ACOXL: variants seen among roughly 807,000 people sequenced by gnomAD.
ACOXL encodes the protein acyl-CoA oxidase like.
Under a neutral mutation model 71.9 loss-of-function variants are expected in ACOXL, and 70 were observed. The ratio of observed to expected loss-of-function variants is 0.97; its 90% CI spans 0.80 to 1.19. The LOEUF (loss-of-function observed/expected upper bound fraction) is 1.19, where lower values mean the gene tolerates loss of function less well. Among genes scored for constraint, ACOXL ranks in the 50% most tolerant of loss-of-function variants. The probability of loss-of-function intolerance (pLI) is 0.00; values close to 1 mark genes in which losing one functional copy is unlikely to be tolerated. For synonymous variants in ACOXL, 253 were observed against 281.6 expected (o/e 0.90, Z 1.02); for missense variants, 703 against 736.3 (o/e 0.95, Z 0.52).
chr2:110,745,961 T>C (rs1678146399), intron 1 of ACOXL, among the ~76,000 whole-genome samples: 1 of 152,186 alleles, frequency 6.6e-6, no homozygotes, highest in African/African-American at 2.4e-5. Flanking sequence ...TCACCTCCTG[T>C]TAGTGTGTAT....
At chr2:110,803,919 G>A (rs1454996030) in intron 8 of ACOXL, among the ~76,000 whole-genome samples, 1 of 151,318 alleles carries the variant, frequency 6.6e-6, no homozygotes, top group Non-Finnish European at 1.5e-5. Flanking sequence ...GATGCTCAAT[G>A]TCGTTGCCAT....
chr2:110,961,651 G>A (rs1183635853), intron 12 of ACOXL, among the ~76,000 whole-genome samples: 1 of 152,178 alleles, frequency 6.6e-6, no homozygotes. Flanking sequence ...CAACACTGAG[G>A]TGCTGTATTA....
intron 12 of ACOXL, among the ~76,000 whole-genome samples, chr2:110,984,119 T>G (rs2062831326): frequency 6.6e-6 from 1 of 152,180 alleles, no homozygotes; most frequent in African/African-American, 2.4e-5. Flanking sequence ...GTGCTGGGAT[T>G]ACAGGCGTGC....
intron 12 of ACOXL, among the ~76,000 whole-genome samples, chr2:110,970,993 T>C (rs1355447490): frequency 6.6e-6 from 1 of 152,138 alleles, no homozygotes; most frequent in African/African-American, 2.4e-5. Flanking sequence ...ATAAAATTTT[T>C]TATTCTATGA....
intron 7 of ACOXL, 42 bp from the exon 8 acceptor site, chr2:110,801,610 A>G: frequency 6.4e-7 from 1 of 1,559,982 alleles, no homozygotes; most frequent in Non-Finnish European, 8.8e-7. Flanking sequence ...CAGGGAAAAT[A>G]CTTCTGATGC....
rs546164601 is a variant in ACOXL, at chr2:110,827,408, C to T, written c.754-13963C>T. On this transcript the variant is annotated intron_variant, in intron 9 of 17. Coordinates refer to ENST00000439055, the MANE Select transcript of ACOXL (RefSeq NM_001142807.4). Reference sequence around the variant, plus strand: ...GTGAATGAGCTGGCATGTGGCGGGCCGTGGAACAGTGCACTGCATTTGGGG... The same window carrying T: ...GTGAATGAGCTGGCATGTGGCGGGCTGTGGAACAGTGCACTGCATTTGGGG... Among the ~76,000 whole-genome samples, 11 of 152,188 alleles carry T rather than the reference C, an allele frequency of 7.2e-5. 1 individual carries two copies. The highest frequency in any genetic ancestry group is 1.9e-4 in the East Asian group (1 of 5,176).
intron 10 of ACOXL, among the ~76,000 whole-genome samples, chr2:110,873,556 C>T (rs1328181793): frequency 2.0e-5 from 3 of 152,150 alleles, no homozygotes; most frequent in Non-Finnish European, 4.4e-5. Context: ...TTTTGGGCAC[C>T]TGGTGGGTGG....
chr2:110,905,225 A>T (rs2059397663), intron 10 of ACOXL, among the ~76,000 whole-genome samples: 2 of 151,974 alleles, frequency 1.3e-5, no homozygotes, highest in East Asian at 1.9e-4. Context: ...GGAGAAGGGG[A>T]GAATCAGAGA....
chr2:111,066,128 C>T (rs2067061076), intron 16 of ACOXL, among the ~76,000 whole-genome samples: 1 of 152,128 alleles, frequency 6.6e-6, no homozygotes, highest in Non-Finnish European at 1.5e-5. Flanking sequence ...GAAACAAACC[C>T]AATTTTCCTT....
intron 12 of ACOXL, among the ~76,000 whole-genome samples, chr2:110,955,139 C>T (rs1237612523): frequency 6.6e-6 from 1 of 152,126 alleles, no homozygotes; most frequent in Non-Finnish European, 1.5e-5. Context: ...GGATTTGTGT[C>T]ACTAACAATT....
intron 14 of ACOXL, among the ~76,000 whole-genome samples, chr2:111,011,457 A>G (rs570095863): frequency 2.0e-4 from 31 of 152,320 alleles, no homozygotes; most frequent in African/African-American, 5.3e-4. Context: ...ATTGTTATAG[A>G]AGGTTAAAAA....
rs1054055540 is a variant in ACOXL, at chr2:110,933,907, T to C, written c.1059+265T>C. Among the ~76,000 whole-genome samples, 7 of 152,194 alleles carry C rather than the reference T, an allele frequency of 4.6e-5. 1 individual carries two copies. Among genetic ancestry groups the C allele is most frequent in the Admixed American group, 2.6e-4 (4 of 15,290 alleles). On this transcript the variant is annotated intron_variant, in intron 12 of 17. Transcript: ENST00000439055. ...ATGAAACTTCGTGGGGCAAAGGTAG[T>C]AGTGGACAGTATGGGAAAGGGCCAC... is the stretch of plus-strand genomic sequence containing the variant.
At chr2:110,857,850 C>T (rs755493464) in intron 10 of ACOXL, among the ~76,000 whole-genome samples, 7 of 152,054 alleles carry the variant, frequency 4.6e-5, no homozygotes, top group East Asian at 1.9e-4. Context: ...CTCAGCCTCC[C>T]GAGCAGATGG....
At chr2:110,778,508 T>A (rs1290305819) in intron 2 of ACOXL, among the ~76,000 whole-genome samples, 1 of 152,130 alleles carries the variant, frequency 6.6e-6, no homozygotes, top group Non-Finnish European at 1.5e-5. Context: ...CATGCAGTGG[T>A]TATGGGTTTC....
At chr2:110,847,698 T>C (rs1194065017) in intron 10 of ACOXL, among the ~76,000 whole-genome samples, 2 of 152,100 alleles carry the variant, frequency 1.3e-5, no homozygotes, top group Non-Finnish European at 2.9e-5. Context: ...CCAAACCTAA[T>C]ATGGGAGTTA....
chr2:110,818,441 G>A lies in ACOXL; in HGVS notation c.753+13046G>A, dbSNP rs866868584. On this transcript the variant is annotated intron_variant, in intron 9 of 17. Transcript: ENST00000439055. Reference sequence around the variant, plus strand: ...TATATATATGTGTGTGTGTGTGTGTGTGTGTGTGTGTATATATATATATAT... The same window carrying A: ...TATATATATGTGTGTGTGTGTGTGTATGTGTGTGTGTATATATATATATAT... 1.8e-3 allele frequency among the ~76,000 whole-genome samples: 268 copies of A among 146,534 alleles called. 2 individuals are homozygous for A. The highest frequency in any genetic ancestry group is 7.0e-3 in the Middle Eastern group (2 of 286).
At chr2:111,073,028 C>T (rs544653289) in intron 16 of ACOXL, among the ~76,000 whole-genome samples, 8 of 152,300 alleles carry the variant, frequency 5.3e-5, no homozygotes, top group Non-Finnish European at 7.4e-5. Flanking sequence ...GAAAATCTTT[C>T]GATGTGCTTG....
At chr2:110,873,287 T>C (rs573681897) in intron 10 of ACOXL, among the ~76,000 whole-genome samples, 1 of 152,012 alleles carries the variant, frequency 6.6e-6, no homozygotes, top group East Asian at 1.9e-4. Context: ...CATCGTTTGA[T>C]GCCTGGGAGT....
At chr2:110,771,431 G>A (rs529668745) in intron 2 of ACOXL, among the ~76,000 whole-genome samples, 1 of 152,122 alleles carries the variant, frequency 6.6e-6, no homozygotes, top group Non-Finnish European at 1.5e-5. Context: ...CTCCACTTTT[G>A]TGGATGATCC....
Sources: gnomAD v4.1 joint callset for allele counts (sites outside exome capture counted in the v4.1 genomes callset) on GRCh38, gnomAD v4.1.1 for gene constraint, MANE v1.5 for transcripts, NCBI Gene and HGNC (gene_info 2026-07-23, HGNC 2026-07-21) for gene names.